Variants in DNAAF4 observed in about 807,000 individuals in gnomAD.
The protein encoded by DNAAF4 is dynein assembly factor 4, axonemal.
In DNAAF4, 43 loss-of-function variants were observed where a neutral mutation model predicts 51.8. The ratio of observed to expected loss-of-function variants is 0.83; its 90% CI spans 0.65 to 1.07. The LOEUF is 1.07. Ranked by LOEUF, DNAAF4 falls within the 50% of genes least tolerant of loss-of-function variation. The pLI is 0.00. For synonymous variants in DNAAF4, 194 were observed against 165.6 expected (o/e 1.17, Z -1.32); for missense variants, 581 against 493.0 (o/e 1.18, Z -1.69).
Position 55,498,257 on chromosome 15 carries a change from C to T in DNAAF4, c.73G>A (p.Gly25Ser). 1.2e-6 allele frequency: 2 copies of T among 1,613,888 alleles called. No homozygotes were observed. The highest frequency in any genetic ancestry group is 1.7e-6 in the Non-Finnish European group (2 of 1,179,896). Residue 25 changes from glycine to serine, a missense_variant, in exon 2 of 10, where the codon GGC (glycine) becomes AGC (serine). Gly to Ser is a moderately conservative substitution (Grantham distance 56, BLOSUM62 0). Coordinates refer to ENST00000321149, the MANE Select transcript of DNAAF4 (RefSeq NM_130810.4). ...TAVFLSLPLK[G>S]VCVRDTDVFC... ...ACGTCCGTGTCTCTGACGCACACGC[C>T]TTTGAGGGGCAGAGACAGAAAGACC... is the stretch of plus-strand genomic sequence containing the variant.
In DNAAF4 at chr15:55,465,511, T is replaced by C. The variant is rs530100858; in HGVS notation, c.637+1419A>G. On this transcript the variant is annotated intron_variant, in intron 5 of 9. Transcript: ENST00000321149. ...GCAACCTGGATGGAGTTGGAGACGATTATGCTACATGAAGTAACTCAGAAA... is the reference window on the plus strand; with the variant it reads ...GCAACCTGGATGGAGTTGGAGACGACTATGCTACATGAAGTAACTCAGAAA... Among the ~76,000 whole-genome samples, 15 of 151,570 alleles carry C rather than the reference T, an allele frequency of 9.9e-5. No individual in the cohort carries two copies. The East Asian group carries it at 2.5e-3, about 25-fold the overall frequency.
chr15:55,431,359 T>C (rs1347566252), intron 9 of DNAAF4, among the ~76,000 whole-genome samples: 1 of 149,412 alleles, frequency 6.7e-6, no homozygotes, highest in Admixed American at 6.7e-5. Context: ...GGTGTGTGTA[T>C]ACACACACAC....
intron 4 of DNAAF4, among the ~76,000 whole-genome samples, chr15:55,479,907 G>A (rs889777054): frequency 4.6e-5 from 7 of 152,046 alleles, no homozygotes; most frequent in African/African-American, 1.7e-4. Flanking sequence ...GTGTTCTGTT[G>A]TTTAAGATGT....
At chr15:55,491,077 C>T (rs746516117) in intron 4 of DNAAF4, 46 bp downstream of exon 4, 41 of 1,608,520 alleles carry the variant, frequency 2.5e-5, no homozygotes, top group Non-Finnish European at 3.2e-5. Flanking sequence ...CTCACATAGT[C>T]TACTATTATC....
At chr15:55,455,605 C>T (rs1321499506) in intron 5 of DNAAF4, among the ~76,000 whole-genome samples, 4 of 151,782 alleles carry the variant, frequency 2.6e-5, no homozygotes, top group South Asian at 4.2e-4. Flanking sequence ...CTAATTTTTG[C>T]ATTTTTAGTA....
In DNAAF4 at chr15:55,498,429, G is replaced by C. The variant is rs1254706113; in HGVS notation, c.-100C>G. The C allele has an allele frequency of 6.7e-7, 1 of 1,494,230 alleles. No individual in the cohort carries two copies. Among genetic ancestry groups the C allele is most frequent in the African/African-American group, 1.4e-5 (1 of 70,576 alleles). The allele number at this position is 1,494,230 out of a possible 1,614,324, so 92.6% of individuals were successfully genotyped here. A position where few individuals can be genotyped will look rare whatever the true frequency, so the allele number is the denominator to read the frequency against. ...ACCATGCGCCAGCCCTTCCGGGTCA[G>C]GCCGGCCGGGAGCCCGGCGTTCCCA... On this transcript the variant is annotated 5_prime_UTR_variant, in exon 2 of 10. Transcript: ENST00000321149.
At chr15:55,453,548 CT>C (rs1228330492) in intron 5 of DNAAF4, among the ~76,000 whole-genome samples, 367 of 115,644 alleles carry the variant, frequency 3.2e-3, no homozygotes, top group East Asian at 0.013. Context: ...AAAAACAGTT[CT>C]TTTTTTTTTT....
At chr15:55,444,642 G>C (rs368605257) in intron 6 of DNAAF4, among the ~76,000 whole-genome samples, 1 of 152,240 alleles carries the variant, frequency 6.6e-6, no homozygotes, top group African/African-American at 2.4e-5. Flanking sequence ...TGGGCAGCAC[G>C]GCCATTTTTA....
Position 55,497,762 on chromosome 15 carries a change from G to C in DNAAF4, c.221C>G (p.Thr74Ser). 5 of 1,613,972 alleles carry C rather than the reference G, an allele frequency of 3.1e-6. No individual in the cohort carries two copies. The highest frequency in any genetic ancestry group is 4.2e-6 in the Non-Finnish European group (5 of 1,179,978). ...AKIGNDTIVF[T>S]LYKKEAAMWE... ...CATGGCCGCTTCTTTTTTATACAAG[G>C]TGAAGACAATGGTGTCATTCCCAAT... Residue 74 changes from threonine (T) to serine (S), a missense_variant, in exon 3 of 10, where the codon ACC (threonine) becomes AGC (serine). Coordinates refer to ENST00000321149, the MANE Select transcript of DNAAF4 (RefSeq NM_130810.4).
At chr15:55,481,807 C>T (rs1281182412) in intron 4 of DNAAF4, among the ~76,000 whole-genome samples, 8 of 152,166 alleles carry the variant, frequency 5.3e-5, no homozygotes, top group Non-Finnish European at 1.5e-5. Context: ...AAAGAAAAAC[C>T]CCACCTCTCC....
intron 7 of DNAAF4, among the ~76,000 whole-genome samples, chr15:55,424,878 T>TG (rs1242734794): frequency 6.7e-6 from 1 of 150,198 alleles, no homozygotes; most frequent in African/African-American, 2.5e-5. Flanking sequence ...GCTTTTTTTT[T>TG]GGAGATGGAG....
At chr15:55,477,815 C>T (rs1379890525) in intron 4 of DNAAF4, among the ~76,000 whole-genome samples, 1 of 151,632 alleles carries the variant, frequency 6.6e-6, no homozygotes, top group Non-Finnish European at 1.5e-5. Context: ...CTATAAATCC[C>T]AGCACTTCAG....
At chr15:55,474,449 G>A (rs1016139858) in intron 4 of DNAAF4, among the ~76,000 whole-genome samples, 5 of 151,486 alleles carry the variant, frequency 3.3e-5, no homozygotes, top group South Asian at 2.1e-4. Flanking sequence ...CAGAAGAATC[G>A]CGTGAACCCA....
chr15:55,503,039 A>G (rs186517006), intron 1 of DNAAF4, among the ~76,000 whole-genome samples: 2 of 152,186 alleles, frequency 1.3e-5, no homozygotes, highest in Non-Finnish European at 2.9e-5. Flanking sequence ...AAGACTAATA[A>G]AGAAGAAAAG....
intron 7 of DNAAF4, among the ~76,000 whole-genome samples, chr15:55,438,453 G>C (rs2057653398): frequency 1.3e-5 from 2 of 151,678 alleles, no homozygotes; most frequent in African/African-American, 2.4e-5. Flanking sequence ...TTACATCACT[G>C]ACCTGGAAGG....
intron 3 of DNAAF4, among the ~76,000 whole-genome samples, chr15:55,493,265 T>C (rs1422148298): frequency 6.6e-6 from 1 of 152,244 alleles, no homozygotes. Flanking sequence ...TGATGGTATT[T>C]TGTTATAGTA....
Position 55,485,307 on chromosome 15 carries a change from A to T in DNAAF4, c.405+5816T>A, listed in dbSNP as rs1406022219. Among the ~76,000 whole-genome samples the T allele has an allele frequency of 1.1e-4, 16 of 152,360 alleles. 1 individual carries two copies. The highest frequency in any genetic ancestry group is 7.2e-4 in the Admixed American group (11 of 15,300). ...GATGGGAGGATTTTTTAAATGCCAG[A>T]ATCATGAAAGTTATTATCATAAAAT... On this transcript the variant is annotated intron_variant, in intron 4 of 9. Coordinates refer to ENST00000321149, the MANE Select transcript of DNAAF4 (RefSeq NM_130810.4).
At chr15:55,464,579 T>C (rs1016752762) in intron 5 of DNAAF4, among the ~76,000 whole-genome samples, 1 of 152,124 alleles carries the variant, frequency 6.6e-6, no homozygotes, top group African/African-American at 2.4e-5. Flanking sequence ...ATATCCACAA[T>C]GTACAGGGAA....
At chr15:55,423,306 C>G (rs1288128407) in intron 7 of DNAAF4, among the ~76,000 whole-genome samples, 1 of 152,058 alleles carries the variant, frequency 6.6e-6, no homozygotes, top group African/African-American at 2.4e-5. Flanking sequence ...TTCCCCGGCT[C>G]AAGCGATTTT....
Sources: allele counts gnomAD v4.1 joint callset (sites outside exome capture counted in the v4.1 genomes callset), GRCh38; gene constraint gnomAD v4.1.1; transcripts MANE v1.5; gene names NCBI Gene and HGNC (gene_info 2026-07-23, HGNC 2026-07-21).